SLC25A3: variants seen among roughly 807,000 people sequenced by gnomAD.
The protein encoded by SLC25A3 is phosphate transport protein.
SLC25A3 carries 14 observed loss-of-function variants against 37.1 expected under a neutral mutation model. The ratio of observed to expected loss-of-function variants is 0.38; its 90% confidence interval spans 0.25 to 0.59. SLC25A3 has a LOEUF of 0.59. Among genes scored for constraint, SLC25A3 ranks in the 20% least tolerant of loss-of-function variants. SLC25A3 has a pLI of 0.67. For missense variants in SLC25A3, 385 were observed against 458.1 expected (o/e 0.84, Z 1.46); for synonymous variants, 161 against 168.7 (o/e 0.95, Z 0.36).
At position 98,597,930 on chromosome 12, in the gene SLC25A3, G is replaced by T; in HGVS notation, c.354G>T (p.Leu118Phe). ...VTLKEDGVRG[L>F]AKGWAPTFLG... ...TTAAAGAGGATGGTGTTCGTGGTTT[G>T]GCTAAAGGATGGGCTCCGACTTTCC... is the stretch of plus-strand genomic sequence containing the variant. Residue 118 changes from leucine to phenylalanine, a missense_variant, in exon 4 of 8, where the codon TTG becomes TTT. Around this residue, in one of 2 missense-constraint regions of SLC25A3, gnomAD observed 276 missense variants for 367.6 expected, o/e 0.75. Transcript: ENST00000552981. The T allele has an allele frequency of 6.2e-7, 1 of 1,614,156 alleles. No individual in the cohort carries two copies. The highest frequency in any genetic ancestry group is 8.5e-7 in the Non-Finnish European group (1 of 1,180,030).
At chr12:98,599,879 A>G in intron 5 of SLC25A3, 76 bp from the exon 6 acceptor site, 1 of 1,509,784 alleles carries the variant, frequency 6.6e-7, no homozygotes, top group South Asian at 1.1e-5. Flanking sequence ...TCGTGTGCGG[A>G]CATTTCTGTT....
rs2097600788 is a variant in SLC25A3 at position 98,605,571 on chromosome 12, AC to A, written c.*4044del. On this transcript the variant is annotated 3_prime_UTR_variant, in exon 8 of 8. Coordinates refer to ENST00000552981, the MANE Select transcript of SLC25A3 (RefSeq NM_002635.4). ...AAAAGCTCACTCCTGAAATCCAAGC[AC>A]TTTGGGAGGCTGAGGTGGGCGGATT... 6.6e-6 allele frequency: 1 copy of A among 151,860 alleles called. No individual in the cohort carries two copies. Among genetic ancestry groups the A allele is most frequent in the African/African-American group, 2.4e-5 (1 of 41,310 alleles). 9.4% of individuals were successfully genotyped at this position (151,860 alleles called of 1,614,324 possible).
intron 2 of SLC25A3, chr12:98,595,128 G>A: frequency 2.6e-6 from 1 of 380,600 alleles, no homozygotes; most frequent in South Asian, 2.5e-5. Context: ...GTACTCTGAA[G>A]TGTGCTCTTA....
At chr12:98,594,883 C>A (rs542563759) in intron 2 of SLC25A3, 2 of 179,542 alleles carry the variant, frequency 1.1e-5, no homozygotes, top group Admixed American at 1.1e-4. Context: ...CATTCATGTG[C>A]TTCTGTTGTC....
At chr12:98,597,042 A>C (rs927666456) in intron 3 of SLC25A3, among the ~76,000 whole-genome samples, 2 of 152,136 alleles carry the variant, frequency 1.3e-5, no homozygotes, top group Non-Finnish European at 2.9e-5. Context: ...AACACAAAAA[A>C]AGTAGTAGGA....
intron 1 of SLC25A3, 103 bp from the exon 2 acceptor site, chr12:98,593,872 G>A: frequency 7.6e-7 from 1 of 1,321,598 alleles, no homozygotes; most frequent in Non-Finnish European, 1.1e-6. Context: ...CTCTTCAAGG[G>A]CGTGGAGACG....
rs1205476905 is a variant in SLC25A3, at chr12:98,598,620, G to A, written c.558G>A (p.Lys186=). Residue 186 remains lysine, a synonymous_variant, in exon 5 of 8, where the codon AAG becomes AAA. Coordinates refer to ENST00000552981, the MANE Select transcript of SLC25A3 (RefSeq NM_002635.4). ...DIALAPMEAA[K]VRIQTQPGYA... ...CCCTGGCTCCTATGGAAGCTGCTAA[G>A]GTTCGAATTCAAACCCAGCCAGGTT... The A allele has an allele frequency of 6.2e-7, 1 of 1,614,152 alleles. No individual in the cohort carries two copies. Among genetic ancestry groups the A allele is most frequent in the South Asian group, 1.1e-5 (1 of 91,076 alleles).
At chr12:98,599,743 T>G (rs2097596173) in intron 5 of SLC25A3, 1 of 722,044 alleles carries the variant, frequency 1.4e-6, no homozygotes, top group African/African-American at 1.7e-5. Context: ...CAGCAACTTT[T>G]TTGGTTGTAT....
In SLC25A3 at chr12:98,602,490, T is replaced by C. The variant is rs1170223775; in HGVS notation, c.*962T>C. 1 of 152,176 alleles carries C rather than the reference T, an allele frequency of 6.6e-6. No homozygotes were observed. Among genetic ancestry groups the C allele is most frequent in the East Asian group, 1.9e-4 (1 of 5,194 alleles). The allele number at this position is 152,176 out of a possible 1,614,324, so 9.4% of individuals were successfully genotyped here. On this transcript the variant is annotated 3_prime_UTR_variant, in exon 8 of 8. Transcript: ENST00000552981. ...TGACTTTTTACAGAAAATTGAACTA[T>C]TTTCAGTCTGGTATTTTAAGAAAGG...
Position 98,602,681 on chromosome 12 carries a change from A to G in SLC25A3, c.*1153A>G, listed in dbSNP as rs1466533920. On this transcript the variant is annotated 3_prime_UTR_variant, in exon 8 of 8. Transcript: ENST00000552981. The stretch of plus-strand genomic sequence containing the variant: ...CTTAAGTTTGATTAGGAAGTGTATA[A>G]AAGTTCAATCTTTTGTAATGACAGC... The G allele has an allele frequency of 6.6e-6, 1 of 152,070 alleles. No individual in the cohort carries two copies. Among genetic ancestry groups the G allele is most frequent in the African/African-American group, 2.4e-5 (1 of 41,324 alleles). The allele number at this position is 152,070 out of a possible 1,614,324, so 9.4% of individuals were successfully genotyped here.
intron 3 of SLC25A3, chr12:98,597,560 A>C: frequency 2.8e-6 from 1 of 360,634 alleles, no homozygotes; most frequent in Non-Finnish European, 5.3e-6. Flanking sequence ...AGTAGCTGGG[A>C]TTACAGGTGC....
chr12:98,596,569 C>G (rs975580678), intron 3 of SLC25A3, among the ~76,000 whole-genome samples: 9 of 151,564 alleles, frequency 5.9e-5, no homozygotes, highest in Non-Finnish European at 1.3e-4. Flanking sequence ...TTATGCATGT[C>G]TCTTGAAGTG....
At position 98,602,526 on chromosome 12, in the gene SLC25A3, C is replaced by T. The variant is rs1301077239; in HGVS notation, c.*998C>T. The stretch of plus-strand genomic sequence containing the variant: ...GTATTTTAAGAAAGGTACTGCTTGA[C>T]AGCTGAACTATATGAATGCCACTGG... On this transcript the variant is annotated 3_prime_UTR_variant, in exon 8 of 8. Transcript: ENST00000552981. 3.3e-5 allele frequency: 5 copies of T among 152,312 alleles called. No individual in the cohort carries two copies. The allele number at this position is 152,312 out of a possible 1,614,324, so 9.4% of individuals were successfully genotyped here. A position where few individuals can be genotyped will look rare whatever the true frequency, so the allele number is the denominator to read the frequency against.
At chr12:98,597,653 A>C in intron 3 of SLC25A3, 1 of 603,096 alleles carries the variant, frequency 1.7e-6, no homozygotes, top group Non-Finnish European at 2.8e-6. Context: ...TGAACTCCTG[A>C]GCTCAGGTAA....
chr12:98,599,517 G>A, intron 5 of SLC25A3: 2 of 427,012 alleles, frequency 4.7e-6, no homozygotes, highest in Non-Finnish European at 9.1e-6. Context: ...CTAGAGTAAG[G>A]ACCATTTGTC....
rs977457049 is a variant in SLC25A3 at position 98,602,821 on chromosome 12, A to G, written c.*1293A>G. On this transcript the variant is annotated 3_prime_UTR_variant, in exon 8 of 8. Coordinates refer to ENST00000552981, the MANE Select transcript of SLC25A3 (RefSeq NM_002635.4). ...ATACGTGGGTTGGTTAACAGTCCCT[A>G]CGTAAAGCGTACAGATGGCCTGGAG... The G allele has an allele frequency of 5.3e-5, 8 of 152,242 alleles. No homozygotes were observed. The highest frequency in any genetic ancestry group is 2.6e-4 in the Admixed American group (4 of 15,284). 9.4% of individuals were successfully genotyped at this position (152,242 alleles called of 1,614,324 possible). A position where few individuals can be genotyped will look rare whatever the true frequency, so the allele number is the denominator to read the frequency against.
In SLC25A3 at chr12:98,595,253, C is replaced by G. The variant is rs909123523; in HGVS notation, c.158-474C>G. 7 of 628,724 alleles carry G rather than the reference C, an allele frequency of 1.1e-5. No homozygotes were observed. In the Admixed American group the frequency reaches 1.4e-4, roughly 13 times the overall value. The allele number at this position is 628,724 out of a possible 1,614,324, so 38.9% of individuals were successfully genotyped here. ...CTATTAATAGTATCAGATACAGAAC[C>G]CTCATAATTTTTAAATGATCTGAAT... On this transcript the variant is annotated intron_variant, in intron 2 of 7. Coordinates refer to ENST00000552981, the MANE Select transcript of SLC25A3 (RefSeq NM_002635.4).
In SLC25A3 at chr12:98,595,863, G is replaced by GT; in HGVS notation, c.279+15_279+16insT. 6.2e-7 allele frequency: 1 copy of GT among 1,607,398 alleles called. No individual in the cohort carries two copies. The highest frequency in any genetic ancestry group is 8.5e-7 in the Non-Finnish European group (1 of 1,173,924). On this transcript the variant is annotated intron_variant, in intron 3 of 7. Coordinates refer to ENST00000552981, the MANE Select transcript of SLC25A3 (RefSeq NM_002635.4). ...GCCGTATGCAGGTTTGTATTGAGAT[G>GT]ACAACATTGAAAGTATCTCTCATGT...
chr12:98,602,063 CAAGGT>C lies in SLC25A3; in HGVS notation c.*538_*542del, dbSNP rs1158626415. 1.9e-5 allele frequency: 3 copies of C among 160,852 alleles called. No homozygotes were observed. The highest frequency in any genetic ancestry group is 2.7e-5 in the Non-Finnish European group (2 of 73,720). 10.0% of individuals were successfully genotyped at this position (160,852 alleles called of 1,614,324 possible). A position where few individuals can be genotyped will look rare whatever the true frequency, so the allele number is the denominator to read the frequency against. Reference sequence around the variant, plus strand: ...AGTTTGCTAATCCTTATTTGTAAGACAAGGTAAACCAAATTAGGCTGATTCTTAGA... The same window carrying C: ...AGTTTGCTAATCCTTATTTGTAAGACAAACCAAATTAGGCTGATTCTTAGA... On this transcript the variant is annotated 3_prime_UTR_variant, in exon 8 of 8. Transcript: ENST00000552981.
Sources: allele counts gnomAD v4.1 joint callset (sites outside exome capture counted in the v4.1 genomes callset), GRCh38; gene constraint gnomAD v4.1.1; regional missense constraint gnomAD v4.1.1; transcripts MANE v1.5; gene names NCBI Gene and HGNC (gene_info 2026-07-23, HGNC 2026-07-21).